SNTA1: variants seen among roughly 807,000 people sequenced by gnomAD.
SNTA1 encodes the protein syntrophin alpha 1.
A neutral mutation model predicts 47.1 loss-of-function variants in SNTA1; 31 were observed. That is an observed-to-expected ratio of 0.66 (90% confidence interval 0.49 to 0.89). The LOEUF (loss-of-function observed/expected upper bound fraction) is 0.89. SNTA1 is among the 40% of genes least tolerant of loss of function. The probability of loss-of-function intolerance (pLI) is 0.00; values close to 1 mark genes in which losing one functional copy is unlikely to be tolerated. For synonymous variants in SNTA1, 300 were observed against 313.6 expected (o/e 0.96, Z 0.46); for missense variants, 575 against 693.0 (o/e 0.83, Z 1.91).
At chr20:33,425,306 G>A (rs1306338159) in intron 2 of SNTA1, among the ~76,000 whole-genome samples, 1 of 152,030 alleles carries the variant, frequency 6.6e-6, no homozygotes, top group African/African-American at 2.4e-5. Context: ...AGAAAAAAAT[G>A]TGTTAGATGA....
chr20:33,424,626 A>G (rs1990117689), intron 2 of SNTA1, among the ~76,000 whole-genome samples: 1 of 151,542 alleles, frequency 6.6e-6, no homozygotes, highest in South Asian at 2.1e-4. Flanking sequence ...CGATCCTCCC[A>G]CCTCAGCCTT....
intron 2 of SNTA1, among the ~76,000 whole-genome samples, chr20:33,424,156 A>C (rs1002039544): frequency 1.3e-5 from 2 of 151,902 alleles, no homozygotes; most frequent in African/African-American, 4.8e-5. Flanking sequence ...CTCTACTAAA[A>C]ATACAAAATT....
intron 2 of SNTA1, among the ~76,000 whole-genome samples, chr20:33,437,489 A>G (rs1310908750): frequency 1.3e-5 from 2 of 151,958 alleles, no homozygotes; most frequent in Non-Finnish European, 2.9e-5. Context: ...TATACCTAAA[A>G]TATAAAATAA....
intron 2 of SNTA1, among the ~76,000 whole-genome samples, chr20:33,434,537 AG>A (rs887618636): frequency 6.6e-6 from 1 of 152,166 alleles, no homozygotes; most frequent in African/African-American, 2.4e-5. Context: ...ATATAAGAGC[AG>A]GGGCCCCTCA....
chr20:33,432,763 A>G (rs1156847660), intron 2 of SNTA1, among the ~76,000 whole-genome samples: 4 of 152,130 alleles, frequency 2.6e-5, no homozygotes, highest in Non-Finnish European at 5.9e-5. Context: ...TGAGAGGCTG[A>G]GATAGGAGGA....
At chr20:33,431,568 T>C (rs919658419) in intron 2 of SNTA1, among the ~76,000 whole-genome samples, 1 of 151,404 alleles carries the variant, frequency 6.6e-6, no homozygotes, top group African/African-American at 2.4e-5. Context: ...GCCAACATGG[T>C]GAAACCCCAT....
At chr20:33,419,988 G>A (rs560226791) in intron 2 of SNTA1, among the ~76,000 whole-genome samples, 2 of 151,924 alleles carry the variant, frequency 1.3e-5, no homozygotes, top group African/African-American at 4.8e-5. Flanking sequence ...CAATGGTGCA[G>A]TATTGGCTCA....
intron 1 of SNTA1, among the ~76,000 whole-genome samples, chr20:33,442,280 A>G (rs1990597053): frequency 6.6e-6 from 1 of 152,158 alleles, no homozygotes; most frequent in Non-Finnish European, 1.5e-5. Flanking sequence ...GCACTAGTCA[A>G]CAGAACCAGT....
At chr20:33,439,161 G>A (rs972151278) in intron 1 of SNTA1, 135 bp from the exon 2 acceptor site, 3 of 803,712 alleles carry the variant, frequency 3.7e-6, no homozygotes, top group Admixed American at 2.0e-5. Context: ...GAGAATAAAG[G>A]GAATCTGAGA....
At chr20:33,441,163 C>T (rs1040323868) in intron 1 of SNTA1, among the ~76,000 whole-genome samples, 2 of 152,332 alleles carry the variant, frequency 1.3e-5, no homozygotes, top group South Asian at 2.1e-4. Flanking sequence ...TGATTCATTG[C>T]GTCTTTACAA....
chr20:33,418,094 G>C (rs1327861700), intron 2 of SNTA1, among the ~76,000 whole-genome samples, 171 bp from the exon 3 acceptor site: 1 of 152,042 alleles, frequency 6.6e-6, no homozygotes, highest in East Asian at 1.9e-4. Flanking sequence ...CTCTGACAGG[G>C]CAGTGGAGCA....
intron 5 of SNTA1, among the ~76,000 whole-genome samples, chr20:33,411,363 C>A (rs1309306466): frequency 6.6e-6 from 1 of 151,642 alleles, no homozygotes; most frequent in Non-Finnish European, 1.5e-5. Context: ...AAGCTCCAAA[C>A]CTCCTGTTCA....
chr20:33,433,779 G>T (rs1348088439), intron 2 of SNTA1, among the ~76,000 whole-genome samples: 2 of 152,138 alleles, frequency 1.3e-5, no homozygotes, highest in Non-Finnish European at 2.9e-5. Context: ...GCCAACTTGG[G>T]CCCAGACTGT....
intron 3 of SNTA1, among the ~76,000 whole-genome samples, chr20:33,413,010 G>A (rs1050414133): frequency 1.7e-4 from 26 of 152,122 alleles, no homozygotes; most frequent in African/African-American, 6.3e-4. Flanking sequence ...TATTTTGTGG[G>A]GTTTTTGTTG....
At chr20:33,442,566 C>T (rs1023443142) in intron 1 of SNTA1, among the ~76,000 whole-genome samples, 4 of 152,196 alleles carry the variant, frequency 2.6e-5, no homozygotes, top group African/African-American at 9.7e-5. Context: ...AACATCACAA[C>T]TCTGTCATCC....
intron 6 of SNTA1, 83 bp downstream of exon 6, chr20:33,410,052 G>C: frequency 7.0e-7 from 1 of 1,422,332 alleles, no homozygotes; most frequent in Non-Finnish European, 9.9e-7. Context: ...CCCTCCTGAA[G>C]TGCCCTAAAG....
intron 2 of SNTA1, among the ~76,000 whole-genome samples, chr20:33,432,103 A>C (rs1344901577): frequency 6.6e-6 from 1 of 152,222 alleles, no homozygotes; most frequent in East Asian, 1.9e-4. Context: ...AGAACTGAAC[A>C]GGAGTTCCAT....
In SNTA1 at chr20:33,408,784, G is replaced by C. The variant is rs1257678676; in HGVS notation, c.1342C>G (p.Gln448Glu). Residue 448 changes from glutamine to glutamate, a missense_variant, in exon 7 of 8, where the codon CAG (glutamine) becomes GAG (glutamate). Coordinates refer to ENST00000217381, the MANE Select transcript of SNTA1 (RefSeq NM_003098.3). The stretch of plus-strand genomic sequence containing the variant: ...GACATCTGCAGCTTCTCGAAGGGCT[G>C]TCGCAGGAGCACAGCTCGGGCTGCA... ...PGAARAVLLR[Q>E]PFEKLQMSSD... is the part of the protein sequence containing the mutation. The C allele has an allele frequency of 6.2e-7, 1 of 1,614,188 alleles. No homozygotes were observed. Among genetic ancestry groups the C allele is most frequent in the Non-Finnish European group, 8.5e-7 (1 of 1,179,998 alleles).
intron 2 of SNTA1, among the ~76,000 whole-genome samples, chr20:33,429,621 A>G (rs1180732762): frequency 1.3e-5 from 2 of 151,874 alleles, no homozygotes; most frequent in Non-Finnish European, 2.9e-5. Context: ...CAAGAGAGAA[A>G]CTCCATCTCA....
Sources: allele counts gnomAD v4.1 joint callset (sites outside exome capture counted in the v4.1 genomes callset), GRCh38; gene constraint gnomAD v4.1.1; transcripts MANE v1.5; gene names NCBI Gene and HGNC (gene_info 2026-07-23, HGNC 2026-07-21).